Variants in USP14 observed in about 807,000 individuals in gnomAD.
The protein encoded by USP14 is ubiquitin carboxyl-terminal hydrolase 14.
USP14 carries 38 observed loss-of-function variants against 76.5 expected under a neutral mutation model. The observed-to-expected ratio is 0.50, with a 90% CI of 0.38 to 0.65. The LOEUF is 0.65. USP14 is among the 30% of genes least tolerant of loss of function. USP14 has a pLI of 0.00. For missense variants in USP14, 467 were observed against 586.5 expected, an observed-to-expected ratio of 0.80 and a Z score of 2.10; for synonymous variants, 192 against 191.7, an observed-to-expected ratio of 1.00 and a Z score of -0.01.
chr18:208,533 T>G (rs1273441115), intron 13 of USP14, among the ~76,000 whole-genome samples: 2 of 152,150 alleles, frequency 1.3e-5, no homozygotes, highest in Admixed American at 1.3e-4. Context: ...AAATTTCCCT[T>G]TCAGCAGTGA....
chr18:161,744 T>C (rs921990811), intron 1 of USP14, among the ~76,000 whole-genome samples: 22 of 152,184 alleles, frequency 1.4e-4, no homozygotes, highest in Admixed American at 7.2e-4. Context: ...TTAACAGTTG[T>C]GAGGTTCTTA....
At chr18:198,776 TAAA>T (rs545300293) in intron 9 of USP14, among the ~76,000 whole-genome samples, 1 of 152,044 alleles carries the variant, frequency 6.6e-6, no homozygotes, top group Admixed American at 6.5e-5. Context: ...ACTTTTAAAA[TAAA>T]AAAAGAATTT....
At chr18:175,696 A>G (rs1437278393) in intron 3 of USP14, among the ~76,000 whole-genome samples, 1 of 152,072 alleles carries the variant, frequency 6.6e-6, no homozygotes, top group Non-Finnish European at 1.5e-5. Flanking sequence ...TGGTTTTGCT[A>G]TCAGTGTAAT....
intron 5 of USP14, 73 bp from the exon 6 acceptor site, chr18:192,769 T>A: frequency 6.8e-7 from 1 of 1,465,698 alleles, no homozygotes; most frequent in East Asian, 2.3e-5. Context: ...GAACTCCTTT[T>A]AACTGGTTTC....
chr18:165,900 G>A (rs1441322448), intron 2 of USP14, among the ~76,000 whole-genome samples: 3 of 152,098 alleles, frequency 2.0e-5, no homozygotes, highest in Non-Finnish European at 4.4e-5. Context: ...TTGGGTACCC[G>A]ATACCTTCTA....
intron 6 of USP14, among the ~76,000 whole-genome samples, chr18:194,015 C>T (rs970059072): frequency 1.3e-5 from 2 of 152,104 alleles, no homozygotes; most frequent in African/African-American, 2.4e-5. Context: ...CCAGAATTTT[C>T]CAAAGGAGTC....
At chr18:189,792 A>G (rs944760782) in intron 5 of USP14, among the ~76,000 whole-genome samples, 2 of 152,044 alleles carry the variant, frequency 1.3e-5, no homozygotes, top group Non-Finnish European at 2.9e-5. Context: ...TTTATTTTTG[A>G]TTATGGAAGT....
intron 7 of USP14, 100 bp downstream of exon 7, chr18:196,867 C>A: frequency 7.0e-7 from 1 of 1,438,668 alleles, no homozygotes; most frequent in Non-Finnish European, 9.6e-7. Context: ...AAACATCAGT[C>A]TTCTCTAGTT....
In USP14 at chr18:173,343, C is replaced by T. The variant is rs538822868; in HGVS notation, c.196-5590C>T. On this transcript the variant is annotated intron_variant, in intron 3 of 15. Transcript: ENST00000261601. The stretch of plus-strand genomic sequence containing the variant: ...AGCCAGGATGGTCTCTATCTCCTGA[C>T]CTCGTGATCAGCCCGCCTTGGCCTC... Among the ~76,000 whole-genome samples, 153 of 151,856 alleles carry T rather than the reference C, an allele frequency of 1.0e-3. 1 individual carries two copies. The highest frequency in any genetic ancestry group is 3.5e-3 in the African/African-American group (147 of 41,410).
chr18:179,151 G>T, intron 4 of USP14, 114 bp downstream of exon 4: 1 of 652,594 alleles, frequency 1.5e-6, no homozygotes, highest in Non-Finnish European at 2.5e-6. Flanking sequence ...TTAATACCAA[G>T]ATAGATATTT....
chr18:160,325 T>C (rs1454121976), intron 1 of USP14, among the ~76,000 whole-genome samples: 1 of 151,854 alleles, frequency 6.6e-6, no homozygotes, highest in Non-Finnish European at 1.5e-5. Flanking sequence ...AAAAAGAAAA[T>C]TACATATCTA....
At chr18:192,993 A>G (rs1910132905) in intron 6 of USP14, 93 bp downstream of exon 6, 3 of 1,021,880 alleles carry the variant, frequency 2.9e-6, no homozygotes, top group African/African-American at 3.3e-5. Flanking sequence ...TCTTTTGTAA[A>G]ACATCACCTC....
At chr18:184,855 G>A (rs947112266) in intron 5 of USP14, among the ~76,000 whole-genome samples, 1 of 152,150 alleles carries the variant, frequency 6.6e-6, no homozygotes, top group Admixed American at 6.6e-5. Context: ...GACTGGATTA[G>A]CTTAAGAGGC....
intron 1 of USP14, among the ~76,000 whole-genome samples, chr18:160,354 G>T (rs1909083599): frequency 6.6e-6 from 1 of 152,078 alleles, no homozygotes; most frequent in East Asian, 1.9e-4. Context: ...AATGGTTAAG[G>T]ATAAGTGCAG....
chr18:177,080 G>A (rs1165416826), intron 3 of USP14, among the ~76,000 whole-genome samples: 2 of 151,882 alleles, frequency 1.3e-5, no homozygotes, highest in East Asian at 3.9e-4. Flanking sequence ...ATGTCTTCCA[G>A]TTTATTTAGG....
At chr18:161,578 C>G (rs1909119864) in intron 1 of USP14, among the ~76,000 whole-genome samples, 1 of 152,160 alleles carries the variant, frequency 6.6e-6, no homozygotes, top group Admixed American at 6.6e-5. Context: ...CTCCCACCCC[C>G]CCATTAGGCT....
intron 5 of USP14, among the ~76,000 whole-genome samples, chr18:180,780 G>A (rs1465717066): frequency 1.3e-5 from 2 of 151,690 alleles, no homozygotes; most frequent in African/African-American, 4.9e-5. Flanking sequence ...TGGCTGAATA[G>A]TATTTCATGG....
At chr18:199,338 C>T (rs1910324624) in intron 10 of USP14, 22 bp downstream of exon 10, 3 of 1,534,006 alleles carry the variant, frequency 2.0e-6, no homozygotes, top group Non-Finnish European at 2.7e-6. Context: ...CTCAGTCCAT[C>T]CTTGTTGTTT....
chr18:211,985 GCT>G lies in USP14; in HGVS notation c.*704_*705del, dbSNP rs1910681618. On this transcript the variant is annotated 3_prime_UTR_variant, in exon 16 of 16. Coordinates refer to ENST00000261601, the MANE Select transcript of USP14 (RefSeq NM_005151.4). ...ATCAGTCTTAAGAAAATGTTGACAA[GCT>G]CTGGTTGCTTATTTTTAGAAAATGA... The G allele has an allele frequency of 6.6e-6, 1 of 152,064 alleles. No individual in the cohort carries two copies. Among genetic ancestry groups the G allele is most frequent in the South Asian group, 2.1e-4 (1 of 4,828 alleles). 9.4% of individuals were successfully genotyped at this position (152,064 alleles called of 1,614,324 possible). A position where few individuals can be genotyped will look rare whatever the true frequency, so the allele number is the denominator to read the frequency against.
Sources: allele counts gnomAD v4.1 joint callset (sites outside exome capture counted in the v4.1 genomes callset), GRCh38; gene constraint gnomAD v4.1.1; transcripts MANE v1.5; gene names NCBI Gene and HGNC (gene_info 2026-07-23, HGNC 2026-07-21).